The following NRP2 variants were observed in gnomAD, a reference collection of about 807,000 sequenced individuals.
NRP2 encodes the protein neuropilin 2, also known as neuropilin-2.
Under a neutral mutation model 110.4 loss-of-function variants are expected in NRP2, and 52 were observed. The observed-to-expected ratio is 0.47, with a 90% CI of 0.38 to 0.59. The LOEUF (loss-of-function observed/expected upper bound fraction) is 0.59. NRP2 is among the 20% of genes least tolerant of loss of function. The pLI is 0.00. For missense variants in NRP2, 1,049 were observed against 1,203.0 expected (o/e 0.87, Z 1.89); for synonymous variants, 508 against 468.9 (o/e 1.08, Z -1.08).
chr2:205,770,363 G>A (rs1275425873), intron 15 of NRP2, among the ~76,000 whole-genome samples: 1 of 152,206 alleles, frequency 6.6e-6, no homozygotes, highest in African/African-American at 2.4e-5. Flanking sequence ...CTTGGGCATA[G>A]AGGGGAGCAG....
At chr2:205,715,567 G>A (rs2056878193) in intron 2 of NRP2, among the ~76,000 whole-genome samples, 1 of 152,198 alleles carries the variant, frequency 6.6e-6, no homozygotes, top group African/African-American at 2.4e-5. Flanking sequence ...TAGGGAGGCG[G>A]TGGCCCACGG....
intron 3 of NRP2, among the ~76,000 whole-genome samples, chr2:205,719,873 C>A (rs2056976020): frequency 6.6e-6 from 1 of 152,204 alleles, no homozygotes; most frequent in African/African-American, 2.4e-5. Flanking sequence ...CCTATGAAAT[C>A]ATTCGCTGCA....
Position 205,725,845 on chromosome 2 carries a change from A to G in NRP2, c.821-68A>G. On this transcript the variant is annotated intron_variant, in intron 5 of 16. Transcript: ENST00000357785. This position sits in a 1 kb window ranked among gnomAD's most constrained non-coding sequence, Gnocchi z 4.1. ...AAGGACTTGTCCCTAGAAGGGAGGC[A>G]GCATTTGGGGGATCCCGAGGTATGA... 1 of 1,543,616 alleles carries G rather than the reference A, an allele frequency of 6.5e-7. No homozygotes were observed. The highest frequency in any genetic ancestry group is 8.9e-7 in the Non-Finnish European group (1 of 1,117,854).
Position 205,727,870 on chromosome 2 carries a change from CT to C in NRP2, c.991-20del, listed in dbSNP as rs759588296. On this transcript the variant is annotated intron_variant, in intron 6 of 16. Transcript: ENST00000357785. ...CTGTGTTGGGAATGGTGGTCTCTTACTCCAGCCCTCTATTCCCCAGGTGGAC... is the reference window on the plus strand; with the variant it reads ...CTGTGTTGGGAATGGTGGTCTCTTACCCAGCCCTCTATTCCCCAGGTGGAC... The C allele has an allele frequency of 2.5e-6, 4 of 1,607,138 alleles. No homozygotes were observed. The highest frequency in any genetic ancestry group is 3.4e-6 in the Non-Finnish European group (4 of 1,176,720).
intron 7 of NRP2, among the ~76,000 whole-genome samples, chr2:205,733,236 A>G (rs2057275177): frequency 6.6e-6 from 1 of 152,206 alleles, no homozygotes; most frequent in African/African-American, 2.4e-5. Context: ...TCCCGCGGCC[A>G]GCGTCACCCA....
intron 12 of NRP2, chr2:205,759,771 G>C (rs888653287): frequency 6.6e-6 from 1 of 152,186 alleles, no homozygotes; most frequent in East Asian, 1.9e-4. Context: ...GTAAAATAAA[G>C]GCAAGCATAG....
intron 3 of NRP2, among the ~76,000 whole-genome samples, chr2:205,717,121 C>A (rs954461598): frequency 4.3e-5 from 6 of 140,760 alleles, no homozygotes; most frequent in Non-Finnish European, 9.7e-5. Context: ...CAAGACCCCG[C>A]TTCATCAGCT....
At chr2:205,746,255 C>T (rs947261150) in intron 10 of NRP2, among the ~76,000 whole-genome samples, 1 of 152,178 alleles carries the variant, frequency 6.6e-6, no homozygotes, top group Non-Finnish European at 1.5e-5. Flanking sequence ...ATAAAGTAAT[C>T]GGTTTATGTC....
At chr2:205,750,816 G>A (rs1396257069) in intron 11 of NRP2, among the ~76,000 whole-genome samples, 3 of 152,194 alleles carry the variant, frequency 2.0e-5, no homozygotes, top group Non-Finnish European at 2.9e-5. Context: ...TGTGGAACCT[G>A]CAAGCACAGC....
At chr2:205,723,339 A>G (rs889332416) in intron 4 of NRP2, among the ~76,000 whole-genome samples, 8 of 152,230 alleles carry the variant, frequency 5.3e-5, no homozygotes, top group African/African-American at 1.9e-4. Context: ...TTTCTAATAT[A>G]AAGGAGACTT....
rs1193237952 is a variant in NRP2, at chr2:205,797,184, G to A, written c.*2126G>A. On this transcript the variant is annotated 3_prime_UTR_variant, in exon 17 of 17. Coordinates refer to ENST00000357785, the MANE Select transcript of NRP2 (RefSeq NM_003872.3). ...CTCATTGGCACAGTGGTAGTTAGAG[G>A]TGAAAAGTAGAGCTGTCAAGCCCAA... 1 of 152,638 alleles carries A rather than the reference G, an allele frequency of 6.6e-6. No individual in the cohort carries two copies. The highest frequency in any genetic ancestry group is 2.4e-5 in the African/African-American group (1 of 41,448). 9.5% of individuals were successfully genotyped at this position (152,638 alleles called of 1,614,324 possible). A position where few individuals can be genotyped will look rare whatever the true frequency, so the allele number is the denominator to read the frequency against.
chr2:205,694,550 C>T (rs545236410), intron 1 of NRP2, among the ~76,000 whole-genome samples: 11 of 152,334 alleles, frequency 7.2e-5, no homozygotes, highest in African/African-American at 2.6e-4. Context: ...CTCAGTAGCT[C>T]AAACAGGGTC....
intron 2 of NRP2, among the ~76,000 whole-genome samples, chr2:205,713,494 A>G (rs1374594107): frequency 1.3e-5 from 2 of 152,238 alleles, no homozygotes; most frequent in African/African-American, 4.8e-5. Flanking sequence ...GAGAGAAAAA[A>G]TTACCAATTA....
intron 1 of NRP2, among the ~76,000 whole-genome samples, chr2:205,691,570 A>T (rs1011558864): frequency 6.6e-6 from 1 of 152,258 alleles, no homozygotes; most frequent in African/African-American, 2.4e-5. Flanking sequence ...GGAGCCATTA[A>T]TGTTTCAACA....
chr2:205,748,103 G>A (rs115069320), intron 10 of NRP2, among the ~76,000 whole-genome samples: 10 of 152,110 alleles, frequency 6.6e-5, no homozygotes, highest in African/African-American at 2.2e-4. Flanking sequence ...TCATTTACAC[G>A]CCCTGCCCTC....
rs182604206 is a variant in NRP2, at chr2:205,763,348, A to C, written c.2045-326A>C. Among the ~76,000 whole-genome samples the C allele has an allele frequency of 1.0e-3, 158 of 152,226 alleles. No homozygotes were observed. Among genetic ancestry groups the C allele is most frequent in the Admixed American group, 2.1e-3 (32 of 15,296 alleles). On this transcript the variant is annotated intron_variant, in intron 12 of 16. Transcript: ENST00000357785. This position sits in a 1 kb window ranked among gnomAD's most constrained non-coding sequence, Gnocchi z 4.0. ...GTGGGTCTGGCCTCTCAGAATCTAG[A>C]GGGAGAAGAAGGGCACGCACACAAC...
chr2:205,707,719 C>G (rs781060382), intron 2 of NRP2, among the ~76,000 whole-genome samples: 3 of 152,230 alleles, frequency 2.0e-5, no homozygotes, highest in Non-Finnish European at 4.4e-5. Flanking sequence ...CCGTTCCCAG[C>G]AGGCTCCCGT....
chr2:205,718,021 C>G (rs1373762145), intron 3 of NRP2, among the ~76,000 whole-genome samples: 6 of 152,158 alleles, frequency 3.9e-5, no homozygotes, highest in Non-Finnish European at 7.4e-5. Flanking sequence ...AGTCAAGTGG[C>G]TTAGCAATCG....
At chr2:205,756,983 G>T (rs1334170334) in intron 12 of NRP2, 1 of 152,206 alleles carries the variant, frequency 6.6e-6, no homozygotes, top group Non-Finnish European at 1.5e-5. Flanking sequence ...TTTATTGTCA[G>T]GAATGAGACA....
Sources: gnomAD v4.1 joint callset for allele counts (sites outside exome capture counted in the v4.1 genomes callset) on GRCh38, gnomAD v4.1.1 for gene constraint, Gnocchi (gnomAD v3.1) non-coding constraint, MANE v1.5 for transcripts, NCBI Gene and HGNC (gene_info 2026-07-23, HGNC 2026-07-21) for gene names.